The following TMEM53 variants were observed in gnomAD, a reference collection of about 807,000 sequenced individuals.
TMEM53 encodes the protein transmembrane protein 53.
TMEM53 carries 14 observed loss-of-function variants against 21.4 expected under a neutral mutation model. That is an observed-to-expected ratio of 0.65 (90% CI 0.43 to 1.02). TMEM53 has a LOEUF of 1.02. Ranked by LOEUF, TMEM53 falls within the 50% of genes least tolerant of loss-of-function variation. The pLI, the probability that TMEM53 is intolerant of heterozygous loss-of-function variation, is 0.00. For missense variants in TMEM53, 323 were observed against 383.6 expected, an observed-to-expected ratio of 0.84 and a Z score of 1.32; for synonymous variants, 148 against 157.4, an observed-to-expected ratio of 0.94 and a Z score of 0.45.
chr1:44,658,221 C>CA (rs1223719782), intron 2 of TMEM53, among the ~76,000 whole-genome samples: 2 of 152,092 alleles, frequency 1.3e-5, no homozygotes, highest in Non-Finnish European at 2.9e-5. Context: ...TCCCTCTACA[C>CA]ACTCCCTGGG....
At position 44,654,825 on chromosome 1, in the gene TMEM53, G is replaced by A; in HGVS notation, c.568C>T (p.Pro190Ser). The change falls in exon 3 of 3, where the codon CCC (proline) becomes TCC (serine). Residue 190 changes from proline (P) to serine (S), a missense_variant. Transcript: ENST00000372237. The surrounding 1 kb of genome is among the most constrained non-coding windows in gnomAD (Gnocchi z 7.0). ...TGGGTGTGGAAGAGGGCTGTGATGGGAGCAAGCAGGACGTGGAACAGGACG... is the reference window on the plus strand; with the variant it reads ...TGGGTGTGGAAGAGGGCTGTGATGGAAGCAAGCAGGACGTGGAACAGGACG... Reference protein sequence around the residue: ...VVVLFHVLLAPITALFHTHFY... With the variant: ...VVVLFHVLLASITALFHTHFY... 2 of 1,613,520 alleles carry A rather than the reference G, an allele frequency of 1.2e-6. No individual in the cohort carries two copies. Among genetic ancestry groups the A allele is most frequent in the East Asian group, 2.2e-5 (1 of 44,868 alleles).
Position 44,655,125 on chromosome 1 carries a change from C to T in TMEM53, c.268G>A (p.Ala90Thr). 6.2e-7 allele frequency: 1 copy of T among 1,614,158 alleles called. No homozygotes were observed. The highest frequency in any genetic ancestry group is 8.5e-7 in the Non-Finnish European group (1 of 1,180,028). Residue 90 changes from alanine (A) to threonine (T), a missense_variant, in exon 3 of 3, where the codon GCC (alanine) becomes ACC (threonine). By Grantham distance (58) the Ala-to-Thr change is moderately conservative. Coordinates refer to ENST00000372237, the MANE Select transcript of TMEM53 (RefSeq NM_024587.4). This position sits in a 1 kb window ranked among gnomAD's most constrained non-coding sequence, Gnocchi z 4.4. ...SLGIPSLRVL[A>T]QKLLELLFDY... Reference sequence around the variant, plus strand: ...AAGAGCAGCTCGAGCAGCTTCTGGGCCAAAACACGAAGTGAAGGGATACCC... The same window carrying T: ...AAGAGCAGCTCGAGCAGCTTCTGGGTCAAAACACGAAGTGAAGGGATACCC...
intron 1 of TMEM53, among the ~76,000 whole-genome samples, chr1:44,672,283 G>A (rs1162303875): frequency 1.3e-5 from 2 of 152,254 alleles, no homozygotes; most frequent in Non-Finnish European, 2.9e-5. Context: ...GTGAAGGCAC[G>A]AAGCTGTCCT....
chr1:44,656,662 T>A (rs536953235), intron 2 of TMEM53, among the ~76,000 whole-genome samples: 1 of 151,436 alleles, frequency 6.6e-6, no homozygotes, highest in Non-Finnish European at 1.5e-5. Flanking sequence ...GCCAGTAACA[T>A]GAAAAAAGGG....
rs369237334 is a variant in TMEM53 at position 44,655,133 on chromosome 1, C to T, written c.260G>A (p.Arg87His). The T allele has an allele frequency of 8.7e-6, 14 of 1,614,040 alleles. No homozygotes were observed. The highest frequency in any genetic ancestry group is 1.6e-4 in the Middle Eastern group (1 of 6,084). The change falls in exon 3 of 3, where the codon CGT becomes CAT. Residue 87 changes from arginine (R) to histidine (H), a missense_variant. Arg to His is a conservative substitution (Grantham distance 29). Coordinates refer to ENST00000372237, the MANE Select transcript of TMEM53 (RefSeq NM_024587.4). The surrounding 1 kb of genome is among the most constrained non-coding windows in gnomAD (Gnocchi z 4.4). ...CTCGAGCAGCTTCTGGGCCAAAACA[C>T]GAAGTGAAGGGATACCCAGTGACTC... ...FSESLGIPSL[R>H]VLAQKLLELL... is the part of the protein sequence containing the mutation.
At chr1:44,661,870 T>C (rs1453590646) in intron 1 of TMEM53, among the ~76,000 whole-genome samples, 5 of 152,162 alleles carry the variant, frequency 3.3e-5, no homozygotes, top group African/African-American at 9.6e-5. Flanking sequence ...CCCTGCAACC[T>C]TGTCAAACAG....
chr1:44,660,333 G>C, intron 1 of TMEM53, 38 bp from the exon 2 acceptor site: 1 of 1,587,062 alleles, frequency 6.3e-7, no homozygotes, highest in Non-Finnish European at 8.6e-7. Context: ...CCAGAGCTGG[G>C]GTGGGGGCGG....
chr1:44,654,798 A>G lies in TMEM53; in HGVS notation c.595T>C (p.Phe199Leu). The G allele has an allele frequency of 6.2e-7, 1 of 1,613,836 alleles. No individual in the cohort carries two copies. Among genetic ancestry groups the G allele is most frequent in the Non-Finnish European group, 8.5e-7 (1 of 1,180,030 alleles). Residue 199 changes from phenylalanine (F) to leucine (L), a missense_variant, in exon 3 of 3, where the codon TTC becomes CTC. Transcript: ENST00000372237. The surrounding 1 kb of genome is among the most constrained non-coding windows in gnomAD (Gnocchi z 7.0). ...APITALFHTH[F>L]YDRLQDAGSR... Reference sequence around the variant, plus strand: ...CCCGCGTCCTGTAGCCTGTCATAGAAGTGGGTGTGGAAGAGGGCTGTGATG... The same window carrying G: ...CCCGCGTCCTGTAGCCTGTCATAGAGGTGGGTGTGGAAGAGGGCTGTGATG...
In TMEM53 at chr1:44,665,742, G is replaced by C. The variant is rs959134263; in HGVS notation, c.62-5447C>G. 2.6e-5 allele frequency among the ~76,000 whole-genome samples: 4 copies of C among 151,368 alleles called. No homozygotes were observed. In the South Asian group the frequency reaches 6.2e-4, roughly 24 times the overall value. Reference sequence around the variant, plus strand: ...TCAATAATACATTAAGCAGATCATAGACATAAATGTAAGAGCTGAAACTAC... The same window carrying C: ...TCAATAATACATTAAGCAGATCATACACATAAATGTAAGAGCTGAAACTAC... On this transcript the variant is annotated intron_variant, in intron 1 of 2. Coordinates refer to ENST00000372237, the MANE Select transcript of TMEM53 (RefSeq NM_024587.4).
chr1:44,669,165 A>G (rs1017994353), intron 1 of TMEM53, among the ~76,000 whole-genome samples: 8 of 152,234 alleles, frequency 5.3e-5, no homozygotes, highest in East Asian at 3.8e-4. Context: ...TAGAAAATGA[A>G]TATCTAATAA....
At chr1:44,662,705 G>A (rs979744880) in intron 1 of TMEM53, among the ~76,000 whole-genome samples, 18 of 150,874 alleles carry the variant, frequency 1.2e-4, no homozygotes, top group Non-Finnish European at 3.0e-5. Context: ...GCCCCCATGT[G>A]CCACCACCGA....
At chr1:44,673,687 C>G in intron 1 of TMEM53, 1 of 257,676 alleles carries the variant, frequency 3.9e-6, no homozygotes, top group African/African-American at 2.3e-5. Flanking sequence ...CAGATGGCCC[C>G]AACAGCCCTA....
chr1:44,664,189 G>A (rs1341161181), intron 1 of TMEM53, among the ~76,000 whole-genome samples: 8 of 147,400 alleles, frequency 5.4e-5, no homozygotes, highest in Admixed American at 2.7e-4. Flanking sequence ...GGTAGCTCAC[G>A]CATGTAATCC....
At chr1:44,658,002 T>C (rs978376996) in intron 2 of TMEM53, among the ~76,000 whole-genome samples, 1 of 152,012 alleles carries the variant, frequency 6.6e-6, no homozygotes, top group Admixed American at 6.6e-5. Flanking sequence ...TCTTACTCCA[T>C]CTACTTTCTC....
In TMEM53 at chr1:44,668,846, T is replaced by G. The variant is rs113067308; in HGVS notation, c.61+5485A>C. 4.0e-3 allele frequency among the ~76,000 whole-genome samples: 604 copies of G among 152,264 alleles called. 3 individuals are homozygous for G. The highest frequency in any genetic ancestry group is 4.7e-3 in the Non-Finnish European group (317 of 68,020). On this transcript the variant is annotated intron_variant, in intron 1 of 2. Transcript: ENST00000372237. ...GCGTGAGCCACTGTACCCGGCCAAA[T>G]TACTTTATTTTTTATTTACTTTTTA...
chr1:44,672,862 C>T (rs374268982), intron 1 of TMEM53, among the ~76,000 whole-genome samples: 13 of 152,076 alleles, frequency 8.5e-5, no homozygotes, highest in African/African-American at 2.9e-4. Flanking sequence ...CACATCCAAA[C>T]GCTACCTCGT....
intron 1 of TMEM53, 118 bp downstream of exon 1, chr1:44,674,213 T>C (rs1236841716): frequency 6.2e-6 from 9 of 1,451,250 alleles, no homozygotes; most frequent in African/African-American, 4.4e-5. Context: ...CCAGACCCTA[T>C]GAGGGGGCGG....
chr1:44,668,578 G>C (rs937359915), intron 1 of TMEM53, among the ~76,000 whole-genome samples: 1 of 152,114 alleles, frequency 6.6e-6, no homozygotes, highest in Non-Finnish European at 1.5e-5. Context: ...GTCTTTCTGT[G>C]TTGCCCAGGC....
At chr1:44,657,305 G>A (rs115951613) in intron 2 of TMEM53, among the ~76,000 whole-genome samples, 120 of 152,304 alleles carry the variant, frequency 7.9e-4, no homozygotes, top group African/African-American at 2.7e-3. Context: ...GGGCACATCC[G>A]CTGTAAAGGA....
Sources: allele counts gnomAD v4.1 joint callset (sites outside exome capture counted in the v4.1 genomes callset), GRCh38; gene constraint gnomAD v4.1.1; non-coding constraint Gnocchi (gnomAD v3.1); transcripts MANE v1.5; gene names NCBI Gene and HGNC (gene_info 2026-07-23, HGNC 2026-07-21).